The following USP28 variants were observed in gnomAD, a reference collection of about 807,000 sequenced individuals.
The protein encoded by USP28 is ubiquitin specific peptidase 28.
USP28 carries 113 observed loss-of-function variants against 145.0 expected under a neutral mutation model. The ratio of observed to expected loss-of-function variants is 0.78; its 90% CI spans 0.67 to 0.91. The LOEUF (loss-of-function observed/expected upper bound fraction) is 0.91. Among genes scored for constraint, USP28 ranks in the 40% least tolerant of loss-of-function variants. The pLI, the probability that USP28 is intolerant of heterozygous loss-of-function variation, is 0.00. For missense variants in USP28, 1,201 were observed against 1,289.6 expected (o/e 0.93, Z 1.05); for synonymous variants, 447 against 450.9 (o/e 0.99, Z 0.11).
At chr11:113,865,684 C>T (rs1948184838) in intron 1 of USP28, among the ~76,000 whole-genome samples, 2 of 152,132 alleles carry the variant, frequency 1.3e-5, no homozygotes, top group Admixed American at 1.3e-4. Context: ...ACACAATACA[C>T]AAAAATTCCT....
rs774351445 is a variant in USP28, at chr11:113,809,265, G to T, written c.1973-11C>A. 1.9e-6 allele frequency: 3 copies of T among 1,611,444 alleles called. No homozygotes were observed. The highest frequency in any genetic ancestry group is 2.5e-6 in the Non-Finnish European group (3 of 1,178,196). ...CAGTTGGGGCTGCCTCTGAGGAAAAGCAAAGATAGAGTTAAAAGGTCACAA... is the reference window on the plus strand; with the variant it reads ...CAGTTGGGGCTGCCTCTGAGGAAAATCAAAGATAGAGTTAAAAGGTCACAA... On this transcript the variant is annotated splice_polypyrimidine_tract_variant and intron_variant, in intron 16 of 24. Transcript: ENST00000003302.
At chr11:113,829,169 G>A (rs917411792) in intron 10 of USP28, 28 bp downstream of exon 10, 2 of 1,606,634 alleles carry the variant, frequency 1.2e-6, no homozygotes, top group Non-Finnish European at 1.7e-6. Context: ...TTTGTCACTG[G>A]CACAGCAAAT....
In USP28 at chr11:113,854,338, A is replaced by G. The variant is rs749782610; in HGVS notation, c.58-3T>C. 30 of 1,611,718 alleles carry G rather than the reference A, an allele frequency of 1.9e-5. No homozygotes were observed. Among genetic ancestry groups the G allele is most frequent in the Non-Finnish European group, 2.4e-5 (28 of 1,179,772 alleles). ...TGATTTAACAGCATTTGGCAGCTCT[A>G]TATTTGCAAAACAAAAAAACCACAA... On this transcript the variant is annotated splice_region_variant and splice_polypyrimidine_tract_variant and intron_variant, in intron 1 of 24. Coordinates refer to ENST00000003302, the Ensembl canonical transcript of USP28.
At chr11:113,865,656 A>C (rs1948181521) in intron 1 of USP28, among the ~76,000 whole-genome samples, 2 of 152,220 alleles carry the variant, frequency 1.3e-5, no homozygotes, top group Non-Finnish European at 2.9e-5. Context: ...CAGAAGAATC[A>C]CACTGGACCC....
chr11:113,850,336 C>T (rs1010938455), intron 3 of USP28, among the ~76,000 whole-genome samples: 1 of 152,114 alleles, frequency 6.6e-6, no homozygotes, highest in Admixed American at 6.5e-5. Context: ...ATAGCAAAAG[C>T]TTGAAAACAA....
At chr11:113,811,727 G>A (rs1180897672) in intron 16 of USP28, among the ~76,000 whole-genome samples, 1 of 151,036 alleles carries the variant, frequency 6.6e-6, no homozygotes. Flanking sequence ...TTCTCCAAAG[G>A]GTGCAAAAAT....
intron 3 of USP28, among the ~76,000 whole-genome samples, chr11:113,844,509 C>T (rs989190192): frequency 1.3e-5 from 1 of 78,998 alleles, no homozygotes; most frequent in African/African-American, 5.1e-5. Context: ...AAACATGCAT[C>T]TGATAAGAGA....
chr11:113,863,071 C>T (rs1420075271), intron 1 of USP28, among the ~76,000 whole-genome samples: 1 of 152,036 alleles, frequency 6.6e-6, no homozygotes, highest in East Asian at 1.9e-4. Context: ...ATAAATGGCA[C>T]CTAAATTATA....
At chr11:113,813,108 G>A (rs1465345536) in intron 15 of USP28, among the ~76,000 whole-genome samples, 3 of 152,238 alleles carry the variant, frequency 2.0e-5, no homozygotes, top group Non-Finnish European at 4.4e-5. Context: ...TAGTAAAAGA[G>A]ATGAAAGTCA....
At position 113,815,157 on chromosome 11, in the gene USP28, A is replaced by G. The variant is rs776166786; in HGVS notation, c.1672+17T>C. 1 of 1,609,976 alleles carries G rather than the reference A, an allele frequency of 6.2e-7. No individual in the cohort carries two copies. Among genetic ancestry groups the G allele is most frequent in the Non-Finnish European group, 8.5e-7 (1 of 1,178,392 alleles). ...AGAAAAAGCAAAGAGTAACTGACAA[A>G]TTTTAAAAGAGCCAACCTTGTATAT... is the stretch of plus-strand genomic sequence containing the variant. On this transcript the variant is annotated intron_variant, in intron 14 of 24. Coordinates refer to ENST00000003302, the Ensembl canonical transcript of USP28.
rs932085137 is a variant in USP28 at position 113,813,963 on chromosome 11, G to GA, written c.1673-9dup. ...CAATACAAGTCTTTAAATCTGTTTGGAAAAAGAAAAACAAAAGCTTCACTA... is the reference window on the plus strand; with the variant it reads ...CAATACAAGTCTTTAAATCTGTTTGGAAAAAAGAAAAACAAAAGCTTCACTA... On this transcript the variant is annotated splice_polypyrimidine_tract_variant and intron_variant, in intron 14 of 24. Coordinates refer to ENST00000003302, the Ensembl canonical transcript of USP28. The GA allele has an allele frequency of 6.3e-7, 1 of 1,591,670 alleles. No homozygotes were observed. Among genetic ancestry groups the GA allele is most frequent in the Non-Finnish European group, 8.5e-7 (1 of 1,170,708 alleles).
chr11:113,829,167 T>G (rs758606430), intron 10 of USP28, 30 bp downstream of exon 10: 4 of 1,606,726 alleles, frequency 2.5e-6, no homozygotes, highest in Non-Finnish European at 3.4e-6. Flanking sequence ...GCTTTGTCAC[T>G]GGCACAGCAA....
chr11:113,867,844 AGGAAGGG>A, intron 1 of USP28, among the ~76,000 whole-genome samples: 1 of 102,306 alleles, frequency 9.8e-6, no homozygotes, highest in East Asian at 3.0e-4. Flanking sequence ...GAAGAAAGGG[AGGAAGGG>A]AGGGAGGGAG....
chr11:113,862,338 ACT>A (rs1947780836), intron 1 of USP28, among the ~76,000 whole-genome samples: 1 of 152,136 alleles, frequency 6.6e-6, no homozygotes, highest in Non-Finnish European at 1.5e-5. Flanking sequence ...CAAGAGCAAG[ACT>A]CTGTCTCAAA....
At chr11:113,830,912 C>T (rs182463098) in exon 9 of USP28, 2 of 1,613,928 alleles carry the variant, frequency 1.2e-6, no homozygotes, top group Non-Finnish European at 1.7e-6. Flanking sequence ...AACAGCTGCA[C>T]CATTGGATTT....
chr11:113,831,997 T>C lies in USP28; in HGVS notation c.760-4A>G. The C allele has an allele frequency of 6.2e-7, 1 of 1,611,876 alleles. No individual in the cohort carries two copies. The highest frequency in any genetic ancestry group is 8.5e-7 in the Non-Finnish European group (1 of 1,179,662). On this transcript the variant is annotated splice_region_variant and splice_polypyrimidine_tract_variant and intron_variant, in intron 7 of 24. Transcript: ENST00000003302. ...GTGTGAATTCACTCACATCTTGCTA[T>C]AAGAGAGGCACAAATTGCATAAAAG...
intron 1 of USP28, chr11:113,874,588 T>C (rs994198161): frequency 1.6e-6 from 2 of 1,288,718 alleles, no homozygotes; most frequent in Non-Finnish European, 2.0e-6. Flanking sequence ...TTTGAACAAC[T>C]GGCACAGATT....
At chr11:113,834,370 C>T in intron 5 of USP28, 35 bp from the exon 6 acceptor site, 1 of 1,461,594 alleles carries the variant, frequency 6.8e-7, no homozygotes, top group Non-Finnish European at 9.4e-7. Context: ...CATAGCCTTT[C>T]CTGAAAATAA....
rs1178659254 is a variant in USP28 at position 113,851,011 on chromosome 11, C to T, written c.268+1490G>A. On this transcript the variant is annotated intron_variant, in intron 3 of 24. Coordinates refer to ENST00000003302, the Ensembl canonical transcript of USP28. ...TGATTCCCATCTTGGTTAAATGCTT[C>T]AGTTGCTTAGGAAAAAAATTTTTGA... 2.0e-5 allele frequency among the ~76,000 whole-genome samples: 3 copies of T among 152,180 alleles called. No individual in the cohort carries two copies. In the East Asian group the frequency reaches 5.8e-4, roughly 29 times the overall value.
Sources: gnomAD v4.1 joint callset for allele counts (sites outside exome capture counted in the v4.1 genomes callset) on GRCh38, gnomAD v4.1.1 for gene constraint, MANE v1.5 for transcripts, NCBI Gene and HGNC (gene_info 2026-07-23, HGNC 2026-07-21) for gene names.